C13orf42: variants seen among roughly 807,000 people sequenced by gnomAD.
C13orf42 encodes the protein uncharacterized protein C13orf42.
At chr13:51,121,794 C>A (rs1328137239) in intron 1 of C13orf42, among the ~76,000 whole-genome samples, 1 of 152,160 alleles carries the variant, frequency 6.6e-6, no homozygotes, top group Non-Finnish European at 1.5e-5. Context: ...CTCGGCCTCC[C>A]AAAGTGCTGG....
At chr13:51,161,050 G>A in intron 1 of C13orf42, among the ~76,000 whole-genome samples, 2 of 136,684 alleles carry the variant, frequency 1.5e-5, no homozygotes, top group South Asian at 4.9e-4. Context: ...ATTAATAAGA[G>A]AGTTCCACAC....
intron 1 of C13orf42, among the ~76,000 whole-genome samples, chr13:51,137,737 T>G (rs1233857769): frequency 6.6e-6 from 1 of 152,224 alleles, no homozygotes; most frequent in Non-Finnish European, 1.5e-5. Context: ...ATGTATCCAT[T>G]GTAAAAACTC....
intron 1 of C13orf42, among the ~76,000 whole-genome samples, chr13:51,143,359 TA>T (rs1156908430): frequency 6.6e-6 from 1 of 152,296 alleles, no homozygotes; most frequent in African/African-American, 2.4e-5. Context: ...CTCTACAAAT[TA>T]ATTATTAATG....
At chr13:51,164,948 G>A (rs1953892772) in intron 1 of C13orf42, among the ~76,000 whole-genome samples, 1 of 152,196 alleles carries the variant, frequency 6.6e-6, no homozygotes, top group African/African-American at 2.4e-5. Context: ...GATCCAAGTT[G>A]AGATGTCCAT....
In C13orf42 at chr13:51,088,007, G is replaced by A. The variant is rs1953147185; in HGVS notation, c.483C>T (p.Ser161=). The A allele has an allele frequency of 5.0e-6, 2 of 398,704 alleles. No homozygotes were observed. Among genetic ancestry groups the A allele is most frequent in the East Asian group, 3.6e-5 (1 of 28,096 alleles). 24.7% of individuals were successfully genotyped at this position (398,704 alleles called of 1,614,324 possible). A position where few individuals can be genotyped will look rare whatever the true frequency, so the allele number is the denominator to read the frequency against. Residue 161 remains serine (S), a synonymous_variant, in exon 2 of 4, where the codon TCC becomes TCT. Coordinates refer to ENST00000563710, the MANE Select transcript of C13orf42 (RefSeq NM_001351589.3). The part of the protein sequence containing the change: ...DVAEAIAFFD[S]IIAELDTERR... ...TCTCTGTATCCAGCTCTGCAATGATGGAGTCAAAGAAGGCAATGGCCTCGG... is the reference window on the plus strand; with the variant it reads ...TCTCTGTATCCAGCTCTGCAATGATAGAGTCAAAGAAGGCAATGGCCTCGG...
chr13:51,097,184 G>C (rs1209975501), intron 1 of C13orf42, among the ~76,000 whole-genome samples: 4 of 152,120 alleles, frequency 2.6e-5, no homozygotes, highest in Non-Finnish European at 5.9e-5. Context: ...ATAGATCTTT[G>C]GGTAGTTTGC....
chr13:51,121,783 C>T (rs1356388925), intron 1 of C13orf42, among the ~76,000 whole-genome samples: 1 of 152,138 alleles, frequency 6.6e-6, no homozygotes, highest in Non-Finnish European at 1.5e-5. Context: ...GATCCACCCG[C>T]CTCGGCCTCC....
chr13:51,150,034 T>C (rs1953767321), intron 1 of C13orf42, among the ~76,000 whole-genome samples: 1 of 152,246 alleles, frequency 6.6e-6, no homozygotes, highest in Non-Finnish European at 1.5e-5. Flanking sequence ...GACCTTTGTA[T>C]TTAGAAGTTA....
chr13:51,142,160 T>C (rs1176767755), intron 1 of C13orf42, among the ~76,000 whole-genome samples: 1 of 152,236 alleles, frequency 6.6e-6, no homozygotes, highest in East Asian at 1.9e-4. Flanking sequence ...CCATAGCTTC[T>C]AATCCTGGGA....
At chr13:51,150,998 C>CT (rs1309306055) in intron 1 of C13orf42, among the ~76,000 whole-genome samples, 8 of 152,180 alleles carry the variant, frequency 5.3e-5, no homozygotes, top group African/African-American at 1.9e-4. Flanking sequence ...TCAGAACCCC[C>CT]CTGGCCTGAG....
intron 1 of C13orf42, among the ~76,000 whole-genome samples, chr13:51,128,300 G>A (rs887549944): frequency 6.6e-6 from 1 of 152,200 alleles, no homozygotes; most frequent in Non-Finnish European, 1.5e-5. Flanking sequence ...TCTCTCTTGT[G>A]CGAGATCCAA....
intron 1 of C13orf42, among the ~76,000 whole-genome samples, chr13:51,104,919 A>G (rs1953335989): frequency 6.6e-6 from 1 of 152,240 alleles, no homozygotes. Context: ...TGAGACAGGC[A>G]CACACAGAGG....
intron 1 of C13orf42, among the ~76,000 whole-genome samples, chr13:51,110,377 T>C (rs774658995): frequency 1.8e-4 from 27 of 152,134 alleles, no homozygotes; most frequent in Non-Finnish European, 2.9e-4. Flanking sequence ...CCAAAACCCA[T>C]GTCTTCCCCA....
chr13:51,118,830 C>T (rs1953511326), intron 1 of C13orf42, among the ~76,000 whole-genome samples: 1 of 152,142 alleles, frequency 6.6e-6, no homozygotes, highest in Non-Finnish European at 1.5e-5. Flanking sequence ...CATGCTTGGG[C>T]ATACAGTATG....
At chr13:51,106,986 CCTATT>C (rs1398757741) in intron 1 of C13orf42, among the ~76,000 whole-genome samples, 1 of 152,108 alleles carries the variant, frequency 6.6e-6, no homozygotes, top group Non-Finnish European at 1.5e-5. Context: ...TTTATAATGA[CCTATT>C]CTGAGGGAGG....
intron 1 of C13orf42, among the ~76,000 whole-genome samples, chr13:51,151,208 T>C (rs1394576163): frequency 1.3e-5 from 2 of 152,100 alleles, no homozygotes; most frequent in Non-Finnish European, 2.9e-5. Context: ...CTAATCAGGT[T>C]AAGATGGGGG....
intron 2 of C13orf42, among the ~76,000 whole-genome samples, chr13:51,087,610 G>A (rs916330257): frequency 3.3e-5 from 5 of 151,994 alleles, no homozygotes; most frequent in Admixed American, 2.0e-4. Flanking sequence ...GTCCTTCTTG[G>A]AGTCTTAGGA....
intron 1 of C13orf42, among the ~76,000 whole-genome samples, chr13:51,120,375 C>T (rs542294108): frequency 2.0e-5 from 3 of 152,228 alleles, no homozygotes; most frequent in African/African-American, 4.8e-5. Flanking sequence ...TCACTGGAAG[C>T]GGGTATCCTT....
At chr13:51,115,861 T>G (rs1378310050), upstream of C13orf42, among the ~76,000 whole-genome samples, 1 of 152,240 alleles carries the variant, frequency 6.6e-6, no homozygotes, top group Non-Finnish European at 1.5e-5. Flanking sequence ...CTATGAATTC[T>G]GAGGAAAGAA....
Sources: allele counts gnomAD v4.1 joint callset (sites outside exome capture counted in the v4.1 genomes callset), GRCh38; gene constraint gnomAD v4.1.1; transcripts MANE v1.5; gene names NCBI Gene and HGNC (gene_info 2026-07-23, HGNC 2026-07-21).